Variants in DMRT1 observed in about 807,000 individuals in gnomAD.
DMRT1 encodes doublesex and mab-3 related transcription factor 1, also known as doublesex- and mab-3-related transcription factor 1.
Under a neutral mutation model 32.3 loss-of-function variants are expected in DMRT1, and 7 were observed. The ratio of observed to expected loss-of-function variants is 0.22; its 90% CI spans 0.12 to 0.41. The LOEUF (loss-of-function observed/expected upper bound fraction) is 0.41, where lower values mean the gene tolerates loss of function less well. Among genes scored for constraint, DMRT1 ranks in the 10% least tolerant of loss-of-function variants. DMRT1 has a pLI of 1.00. For missense variants in DMRT1, 625 were observed against 500.5 expected (o/e 1.25, Z -2.37); for synonymous variants, 278 against 206.1 (o/e 1.35, Z -2.99).
At position 929,477 on chromosome 9, in the gene DMRT1, T is replaced by A. The variant is rs550955796; in HGVS notation, c.967+12570T>A. Among the ~76,000 whole-genome samples the A allele has an allele frequency of 2.6e-5, 4 of 152,130 alleles. No homozygotes were observed. In the South Asian group the frequency reaches 8.3e-4, roughly 32 times the overall value. On this transcript the variant is annotated intron_variant, in intron 4 of 4. Transcript: ENST00000382276. ...AGCTCTTATTTTGATTGATGTTGTT[T>A]AGTAATTTCTTGGTGAAAAGTTTCT...
At chr9:881,740 G>A (rs1353017520) in intron 2 of DMRT1, among the ~76,000 whole-genome samples, 3 of 152,248 alleles carry the variant, frequency 2.0e-5, no homozygotes, top group African/African-American at 4.8e-5. Context: ...GGGATTCTCT[G>A]TAAGACGGCT....
intron 3 of DMRT1, among the ~76,000 whole-genome samples, chr9:899,194 A>G (rs1011214041): frequency 5.3e-5 from 8 of 152,196 alleles, no homozygotes; most frequent in African/African-American, 1.7e-4. Flanking sequence ...TTTAAAAAAG[A>G]AACAAGAAAA....
At chr9:885,213 A>G (rs1423818917) in intron 2 of DMRT1, among the ~76,000 whole-genome samples, 2 of 152,182 alleles carry the variant, frequency 1.3e-5, no homozygotes, top group African/African-American at 4.8e-5. Flanking sequence ...GGTGTGTGTT[A>G]CAGGGTGCCT....
At chr9:845,176 A>G (rs568156434) in intron 1 of DMRT1, among the ~76,000 whole-genome samples, 25 of 151,952 alleles carry the variant, frequency 1.6e-4, no homozygotes, top group African/African-American at 6.0e-4. Flanking sequence ...AATACAATTA[A>G]TTTTCTTTAA....
chr9:867,549 C>A (rs80135256), intron 2 of DMRT1, among the ~76,000 whole-genome samples: 3 of 152,148 alleles, frequency 2.0e-5, no homozygotes, highest in Non-Finnish European at 4.4e-5. Flanking sequence ...TTAATCTTTA[C>A]GGCAACTCTG....
chr9:910,939 G>A lies in DMRT1; in HGVS notation c.823-5824G>A, dbSNP rs552311184. On this transcript the variant is annotated intron_variant, in intron 3 of 4. Transcript: ENST00000382276. ...AAAAACCTTGAGAGGAAACAAGGAG[G>A]CATTTCACAAAGGAGAAAAATATAT... Among the ~76,000 whole-genome samples the A allele has an allele frequency of 2.0e-5, 3 of 152,254 alleles. No homozygotes were observed. In the East Asian group the frequency reaches 5.8e-4, roughly 29 times the overall value.
chr9:851,071 A>G (rs1040988833), intron 2 of DMRT1, among the ~76,000 whole-genome samples: 2 of 150,612 alleles, frequency 1.3e-5, no homozygotes, highest in East Asian at 3.9e-4. Flanking sequence ...GTGGAAGGCT[A>G]CGATTTGAAG....
intron 2 of DMRT1, among the ~76,000 whole-genome samples, chr9:875,263 G>A (rs540654614): frequency 2.5e-3 from 384 of 152,170 alleles, no homozygotes; most frequent in African/African-American, 9.1e-3. Flanking sequence ...CTTGAGAATT[G>A]TGGGTGAGGC....
At chr9:855,571 A>G (rs4742494) in intron 2 of DMRT1, among the ~76,000 whole-genome samples, 64,423 of 152,078 alleles carry the variant, frequency 0.42, 13,830 homozygotes, top group East Asian at 0.59. Flanking sequence ...GAATAAAACT[A>G]TTGATGTTCA....
chr9:926,984 G>T (rs1178434183), intron 4 of DMRT1, among the ~76,000 whole-genome samples: 1 of 152,220 alleles, frequency 6.6e-6, no homozygotes, highest in Non-Finnish European at 1.5e-5. Context: ...ACGTCTGTCT[G>T]TTGGGCCCTC....
chr9:916,319 G>A (rs1398385647), intron 3 of DMRT1, among the ~76,000 whole-genome samples: 2 of 152,048 alleles, frequency 1.3e-5, no homozygotes, highest in Non-Finnish European at 2.9e-5. Flanking sequence ...CATTGGAAGA[G>A]CATATTCATG....
intron 4 of DMRT1, among the ~76,000 whole-genome samples, chr9:922,007 G>A (rs1244851254): frequency 6.6e-6 from 1 of 151,946 alleles, no homozygotes; most frequent in Non-Finnish European, 1.5e-5. Context: ...CAGCCTCCCG[G>A]GTAGCTAGGA....
chr9:934,148 G>C (rs1350757966), intron 4 of DMRT1, among the ~76,000 whole-genome samples: 1 of 152,188 alleles, frequency 6.6e-6, no homozygotes, highest in Non-Finnish European at 1.5e-5. Flanking sequence ...GTGAGCCTTG[G>C]AGACTTGGCA....
At chr9:853,131 G>T (rs182876429) in intron 2 of DMRT1, among the ~76,000 whole-genome samples, 190 of 152,208 alleles carry the variant, frequency 1.2e-3, no homozygotes, top group African/African-American at 4.5e-3. Context: ...TGAGAGGAAG[G>T]TACGGAGATT....
chr9:955,020 A>G (rs960289900), intron 4 of DMRT1, among the ~76,000 whole-genome samples: 4 of 152,318 alleles, frequency 2.6e-5, no homozygotes, highest in South Asian at 2.1e-4. Context: ...GTCATTTGCA[A>G]TGAGGTGATA....
At chr9:876,237 G>C (rs930833048) in intron 2 of DMRT1, among the ~76,000 whole-genome samples, 1 of 152,178 alleles carries the variant, frequency 6.6e-6, no homozygotes, top group Non-Finnish European at 1.5e-5. Flanking sequence ...GTACAGAGCT[G>C]AACAAGAAGC....
At chr9:931,254 G>A (rs12347404) in intron 4 of DMRT1, among the ~76,000 whole-genome samples, 25,690 of 152,132 alleles carry the variant, frequency 0.17, 2,759 homozygotes, top group African/African-American at 0.3. Context: ...TTTATTTTTA[G>A]TTCAAAAACT....
At chr9:952,803 A>C (rs1375928376) in intron 4 of DMRT1, among the ~76,000 whole-genome samples, 2 of 152,238 alleles carry the variant, frequency 1.3e-5, no homozygotes, top group African/African-American at 4.8e-5. Flanking sequence ...GGTTGGAGTC[A>C]GTGCCTGGGC....
chr9:874,891 T>A (rs1816429380), intron 2 of DMRT1, among the ~76,000 whole-genome samples: 2 of 136,336 alleles, frequency 1.5e-5, no homozygotes, highest in African/African-American at 5.5e-5. Context: ...CACTGCAAGC[T>A]CCACCTCCCG....
Sources: gnomAD v4.1 joint callset for allele counts (sites outside exome capture counted in the v4.1 genomes callset) on GRCh38, gnomAD v4.1.1 for gene constraint, MANE v1.5 for transcripts, NCBI Gene and HGNC (gene_info 2026-07-23, HGNC 2026-07-21) for gene names.